Variants in CFHR4 observed in about 807,000 individuals in gnomAD.
CFHR4 encodes complement factor H-related protein 4.
CFHR4 carries 64 observed loss-of-function variants against 69.3 expected under a neutral mutation model. That is an observed-to-expected ratio of 0.92 (90% CI 0.76 to 1.14). CFHR4 has a LOEUF of 1.14. Among genes scored for constraint, CFHR4 ranks in the 50% most tolerant of loss-of-function variants. The pLI, the probability that CFHR4 is intolerant of heterozygous loss-of-function variation, is 0.00. For missense variants in CFHR4, 636 were observed against 684.9 expected, an observed-to-expected ratio of 0.93 and a Z score of 0.80; for synonymous variants, 244 against 237.0, an observed-to-expected ratio of 1.03 and a Z score of -0.27.
intron 1 of CFHR4, among the ~76,000 whole-genome samples, chr1:196,896,150 C>T (rs1657282998): frequency 6.7e-6 from 1 of 149,376 alleles, no homozygotes; most frequent in African/African-American, 2.5e-5. Context: ...ACTTTTTAAT[C>T]TAATAATGGG....
chr1:196,898,868 T>C (rs1463877114), intron 1 of CFHR4, among the ~76,000 whole-genome samples: 3 of 151,466 alleles, frequency 2.0e-5, no homozygotes, highest in Non-Finnish European at 2.9e-5. Context: ...TCCCAGTACC[T>C]TACCACATTG....
chr1:196,912,910 C>A lies in CFHR4; in HGVS notation c.1168C>A (p.Pro390Thr), dbSNP rs375638682. 3.2e-5 allele frequency: 52 copies of A among 1,611,544 alleles called. No individual in the cohort carries two copies. In the Admixed American group the frequency reaches 5.7e-4, roughly 18 times the overall value. The change falls in exon 7 of 10, where the codon CCA (proline) becomes ACA (threonine). Residue 390 changes from proline (P) to threonine (T), a missense_variant. Coordinates refer to ENST00000608469, the MANE Select transcript of CFHR4 (RefSeq NM_001201550.3). ...TCLQNGWSAQ[P>T]ICIKFCDMPV... is the part of the protein sequence containing the mutation. ...TTTGCAAAATGGATGGTCAGCACAA[C>A]CAATTTGCATTAGTAAGTGATTTAC...
chr1:196,907,188 A>G, intron 4 of CFHR4, 128 bp from the exon 5 acceptor site: 1 of 1,201,626 alleles, frequency 8.3e-7, no homozygotes, highest in Non-Finnish European at 1.2e-6. Context: ...TTAAAAAAAA[A>G]GGTTGAAAAT....
At chr1:196,898,929 A>T (rs1657450463) in intron 1 of CFHR4, among the ~76,000 whole-genome samples, 1 of 151,554 alleles carries the variant, frequency 6.6e-6, no homozygotes, top group Non-Finnish European at 1.5e-5. Context: ...AGAGCTAAAG[A>T]TTCAAGACAG....
intron 5 of CFHR4, among the ~76,000 whole-genome samples, chr1:196,909,800 C>T (rs1658136277): frequency 6.6e-6 from 1 of 151,124 alleles, no homozygotes; most frequent in South Asian, 2.1e-4. Flanking sequence ...CAAACCTTCA[C>T]ATCCTACACA....
chr1:196,904,348 A>G (rs1482833256), intron 2 of CFHR4, among the ~76,000 whole-genome samples: 3 of 151,622 alleles, frequency 2.0e-5, no homozygotes, highest in Non-Finnish European at 2.9e-5. Context: ...CATCTTTAAC[A>G]TGATTTATTT....
chr1:196,913,435 T>A (rs747196501), intron 7 of CFHR4, among the ~76,000 whole-genome samples: 83 of 151,486 alleles, frequency 5.5e-4, no homozygotes, highest in Non-Finnish European at 9.1e-4. Context: ...TCTACCCTAT[T>A]GTTTACTACA....
chr1:196,918,166 A>G lies in CFHR4; in HGVS notation c.1541-44A>G, dbSNP rs756909676. 15 of 1,574,692 alleles carry G rather than the reference A, an allele frequency of 9.5e-6. No individual in the cohort carries two copies. In the African/African-American group the frequency reaches 1.8e-4, roughly 19 times the overall value. On this transcript the variant is annotated intron_variant, in intron 9 of 9. Coordinates refer to ENST00000608469, the MANE Select transcript of CFHR4 (RefSeq NM_001201550.3). ...TAGGATGCATTTTATTTGCTCATGA[A>G]AGGCAAGATTATGATTGTTAATTGT...
intron 6 of CFHR4, among the ~76,000 whole-genome samples, chr1:196,911,551 T>C (rs1658270165): frequency 6.6e-6 from 1 of 151,540 alleles, no homozygotes; most frequent in Non-Finnish European, 1.5e-5. Flanking sequence ...TAGCTGACTT[T>C]CACTTTTTAG....
rs1372783824 is a variant in CFHR4 at position 196,917,841 on chromosome 1, C to T, written c.1541-369C>T. Reference sequence around the variant, plus strand: ...TGGAGTGCTTGTAGTCACGGCTTGTCAAATGGGGGAAAGGAGGATAAGTAA... The same window carrying T: ...TGGAGTGCTTGTAGTCACGGCTTGTTAAATGGGGGAAAGGAGGATAAGTAA... On this transcript the variant is annotated intron_variant, in intron 9 of 9. Coordinates refer to ENST00000608469, the MANE Select transcript of CFHR4 (RefSeq NM_001201550.3). Among the ~76,000 whole-genome samples, 196 of 144,928 alleles carry T rather than the reference C, an allele frequency of 1.4e-3. 7 individuals carry two copies. Among genetic ancestry groups the T allele is most frequent in the African/African-American group, 4.3e-3 (166 of 38,286 alleles).
Position 196,912,921 on chromosome 1 carries a change from T to C in CFHR4, c.1179T>C (p.Ile393=), listed in dbSNP as rs1345251740. 5.0e-6 allele frequency: 8 copies of C among 1,611,600 alleles called. No individual in the cohort carries two copies. Among genetic ancestry groups the C allele is most frequent in the Non-Finnish European group, 5.9e-6 (7 of 1,178,818 alleles). ...QNGWSAQPIC[I]KFCDMPVFEN... is the part of the protein sequence containing the mutation. ...GATGGTCAGCACAACCAATTTGCAT[T>C]AGTAAGTGATTTACATATTCCCATT... The change falls in exon 7 of 10, where the codon ATT becomes ATC. Residue 393 remains isoleucine, a splice_region_variant and synonymous_variant. Transcript: ENST00000608469.
In CFHR4 at chr1:196,907,017, C is replaced by A. The variant is rs199731883; in HGVS notation, c.596C>A (p.Ser199Tyr). 4.5e-5 allele frequency: 73 copies of A among 1,610,740 alleles called. 3 individuals are homozygous for A. In the African/African-American group the frequency reaches 8.2e-4, roughly 18 times the overall value. The change falls in exon 4 of 10, where the codon TCC becomes TAC. Residue 199 changes from serine to tyrosine, a missense_variant. Physicochemically the swap from Ser to Tyr is moderately radical, Grantham distance 144. This residue lies in a region of CFHR4 where 529 missense variants were observed against 533.2 expected (regional missense o/e 0.99). Transcript: ENST00000608469. ...DSIVCGEDGWSHLPTCYNSSE... is the reference protein window; with the variant it reads ...DSIVCGEDGWYHLPTCYNSSE... ...ATAGTGTGTGGTGAAGATGGCTGGTCCCATTTGCCAACATGCTATAGTAAG... is the reference window on the plus strand; with the variant it reads ...ATAGTGTGTGGTGAAGATGGCTGGTACCATTTGCCAACATGCTATAGTAAG...
At chr1:196,896,465 T>C (rs1434047330) in intron 1 of CFHR4, among the ~76,000 whole-genome samples, 3 of 151,502 alleles carry the variant, frequency 2.0e-5, no homozygotes, top group Non-Finnish European at 4.4e-5. Flanking sequence ...CGAAAAACAA[T>C]GGCCGCCTAT....
chr1:196,903,312 GATA>G (rs1657721941), intron 2 of CFHR4, among the ~76,000 whole-genome samples: 2 of 151,102 alleles, frequency 1.3e-5, no homozygotes, highest in African/African-American at 2.4e-5. Flanking sequence ...AAAATTTCTG[GATA>G]ATTAGTGGAT....
chr1:196,890,374 T>A (rs1396166106), intron 1 of CFHR4, among the ~76,000 whole-genome samples: 1 of 151,582 alleles, frequency 6.6e-6, no homozygotes, highest in Non-Finnish European at 1.5e-5. Context: ...GATGTTTCAG[T>A]TCTGAATAAT....
chr1:196,916,228 GCAA>G (rs1658618792), intron 9 of CFHR4, among the ~76,000 whole-genome samples: 1 of 151,414 alleles, frequency 6.6e-6, no homozygotes, highest in South Asian at 2.1e-4. Context: ...AATAATTATG[GCAA>G]CAACAAGAAA....
At chr1:196,908,655 GGCAGCAAAA>G (rs1658054139) in intron 5 of CFHR4, among the ~76,000 whole-genome samples, 1 of 151,238 alleles carries the variant, frequency 6.6e-6, no homozygotes, top group African/African-American at 2.4e-5. Context: ...AAATAATTAT[GGCAGCAAAA>G]AGAAAACCTA....
intron 6 of CFHR4, among the ~76,000 whole-genome samples, chr1:196,911,610 A>G (rs574249755): frequency 6.6e-6 from 1 of 151,606 alleles, no homozygotes; most frequent in East Asian, 1.9e-4. Context: ...GCAATTTACC[A>G]AACATTCCAT....
At chr1:196,910,099 C>A (rs1210138735) in intron 5 of CFHR4, among the ~76,000 whole-genome samples, 182 bp from the exon 6 acceptor site, 1 of 143,248 alleles carries the variant, frequency 7.0e-6, no homozygotes, top group Non-Finnish European at 1.5e-5. Context: ...TCACAGTGAG[C>A]AGTGATCGCA....
Sources: allele counts gnomAD v4.1 joint callset (sites outside exome capture counted in the v4.1 genomes callset), GRCh38; gene constraint gnomAD v4.1.1; regional missense constraint gnomAD v4.1.1; transcripts MANE v1.5; gene names NCBI Gene and HGNC (gene_info 2026-07-23, HGNC 2026-07-21).